Variants in ARMC9 observed in about 807,000 individuals in gnomAD.
ARMC9 encodes the protein lisH domain-containing protein ARMC9.
In ARMC9, 94 loss-of-function variants were observed where a neutral mutation model predicts 107.0. The ratio of observed to expected loss-of-function variants is 0.88; its 90% CI spans 0.74 to 1.04. The LOEUF (loss-of-function observed/expected upper bound fraction) is 1.04, where lower values mean the gene tolerates loss of function less well. ARMC9 is among the 50% of genes least tolerant of loss of function. ARMC9 has a pLI of 0.00. For synonymous variants in ARMC9, 380 were observed against 396.9 expected, an observed-to-expected ratio of 0.96 and a Z score of 0.51; for missense variants, 942 against 1,030.1, an observed-to-expected ratio of 0.91 and a Z score of 1.17.
At chr2:231,206,861 G>A (rs1323315729) in intron 2 of ARMC9, among the ~76,000 whole-genome samples, 4 of 152,212 alleles carry the variant, frequency 2.6e-5, no homozygotes, top group Non-Finnish European at 5.9e-5. Flanking sequence ...AATGGTTCGC[G>A]CTTGCTGCTG....
chr2:231,230,353 C>CA (rs1242592062), intron 7 of ARMC9, among the ~76,000 whole-genome samples: 70 of 136,794 alleles, frequency 5.1e-4, no homozygotes, highest in East Asian at 1.4e-3. Context: ...GACTCCGTCT[C>CA]AAAAAAAAAA....
intron 5 of ARMC9, among the ~76,000 whole-genome samples, chr2:231,221,578 C>T (rs187944617): frequency 1.3e-5 from 2 of 151,684 alleles, no homozygotes; most frequent in East Asian, 1.9e-4. Flanking sequence ...CCTGTAATCC[C>T]AGCACTTTGG....
chr2:231,268,779 C>T (rs1240810520), intron 12 of ARMC9, among the ~76,000 whole-genome samples: 1 of 152,096 alleles, frequency 6.6e-6, no homozygotes, highest in East Asian at 1.9e-4. Flanking sequence ...AATCCAAAGC[C>T]AGCTGGGCAC....
Position 231,249,599 on chromosome 2 carries a change from C to G in ARMC9, c.880-6987C>G, listed in dbSNP as rs181369990. Among the ~76,000 whole-genome samples, 318 of 152,208 alleles carry G rather than the reference C, an allele frequency of 2.1e-3. 4 individuals carry two copies. The highest frequency in any genetic ancestry group is 7.3e-3 in the African/African-American group (305 of 41,546). On this transcript the variant is annotated intron_variant, in intron 9 of 24. Coordinates refer to ENST00000611582, the MANE Select transcript of ARMC9 (RefSeq NM_001352754.2). Reference sequence around the variant, plus strand: ...GAAGGGATGGATGGGGGCAGAAATGCAGCTGTTTCAGCTTGGCTTAGGTAG... The same window carrying G: ...GAAGGGATGGATGGGGGCAGAAATGGAGCTGTTTCAGCTTGGCTTAGGTAG...
chr2:231,281,326 G>A (rs2040201689), intron 16 of ARMC9, among the ~76,000 whole-genome samples: 1 of 152,116 alleles, frequency 6.6e-6, no homozygotes, highest in Non-Finnish European at 1.5e-5. Context: ...CTGGCAAGGT[G>A]AACTGCCAGA....
At chr2:231,311,544 C>CG (rs2042348630) in intron 19 of ARMC9, among the ~76,000 whole-genome samples, 1 of 151,656 alleles carries the variant, frequency 6.6e-6, no homozygotes, top group African/African-American at 2.4e-5. Context: ...CCAAGGCAGG[C>CG]GGATCACTTG....
At chr2:231,316,192 G>A (rs1331327180) in intron 19 of ARMC9, among the ~76,000 whole-genome samples, 3 of 142,056 alleles carry the variant, frequency 2.1e-5, no homozygotes, top group Non-Finnish European at 3.1e-5. Flanking sequence ...GTGTGTGTGT[G>A]TATCTCCACC....
chr2:231,291,212 CCTCTT>C, intron 17 of ARMC9, 136 bp from the exon 18 acceptor site: 1 of 631,838 alleles, frequency 1.6e-6, no homozygotes, highest in Non-Finnish European at 2.8e-6. Context: ...ATATCTGTCT[CCTCTT>C]CTCTGTCCCC....
intron 3 of ARMC9, 97 bp downstream of exon 3, chr2:231,208,349 G>A (rs1388788622): frequency 1.0e-6 from 1 of 970,534 alleles, no homozygotes; most frequent in Non-Finnish European, 1.6e-6. Flanking sequence ...TAGTTTTTGA[G>A]CACTTGCTCA....
rs139006665 is a variant in ARMC9 at position 231,218,541 on chromosome 2, G to A, written c.504+1748G>A. ...TGGCAGTAGAGCTGGCAGAATCGGG[G>A]ATGGGGCCTAGCAGAGGCTGCAGCT... On this transcript the variant is annotated intron_variant, in intron 5 of 24. Transcript: ENST00000611582. Among the ~76,000 whole-genome samples the A allele has an allele frequency of 5.9e-3, 903 of 152,268 alleles. 9 individuals are homozygous for A. The highest frequency in any genetic ancestry group is 0.021 in the African/African-American group (873 of 41,552).
intron 18 of ARMC9, 134 bp from the exon 19 acceptor site, chr2:231,296,064 G>A: frequency 3.6e-6 from 2 of 559,088 alleles, no homozygotes; most frequent in South Asian, 3.1e-5. Context: ...TGATTAGGAT[G>A]GTTAGGAGCA....
intron 18 of ARMC9, among the ~76,000 whole-genome samples, chr2:231,291,740 A>G (rs138338068): frequency 0.018 from 2,609 of 148,592 alleles, 73 homozygotes; most frequent in African/African-American, 0.062. Context: ...GCTTGAACCC[A>G]GGAGGCAGAA....
intron 19 of ARMC9, among the ~76,000 whole-genome samples, chr2:231,326,425 C>G (rs75461580): frequency 0.032 from 4,875 of 152,324 alleles, 260 homozygotes; most frequent in African/African-American, 0.11. Context: ...CCTCAGTAGC[C>G]CCTTCCCTGA....
At chr2:231,371,252 A>G (rs556403719) in intron 24 of ARMC9, among the ~76,000 whole-genome samples, 2 of 152,352 alleles carry the variant, frequency 1.3e-5, no homozygotes, top group Admixed American at 6.5e-5. Flanking sequence ...TCAGCCAGCC[A>G]TGGGCGTTGT....
intron 19 of ARMC9, among the ~76,000 whole-genome samples, chr2:231,301,482 A>C (rs924158890): frequency 6.6e-6 from 1 of 152,120 alleles, no homozygotes; most frequent in African/African-American, 2.4e-5. Flanking sequence ...TCCACTAGCA[A>C]TAGGTGCTGT....
At chr2:231,325,213 A>G (rs1174815905) in intron 19 of ARMC9, among the ~76,000 whole-genome samples, 2 of 152,240 alleles carry the variant, frequency 1.3e-5, no homozygotes, top group African/African-American at 4.8e-5. Flanking sequence ...GAGACAGAGC[A>G]AGAGACCCTG....
intron 7 of ARMC9, among the ~76,000 whole-genome samples, chr2:231,231,417 G>A (rs1003793841): frequency 2.6e-5 from 4 of 152,018 alleles, no homozygotes; most frequent in African/African-American, 9.7e-5. Context: ...TTGAGACAGC[G>A]CTGTTGCCCA....
chr2:231,334,829 C>G (rs1183995511), intron 20 of ARMC9, among the ~76,000 whole-genome samples: 1 of 152,074 alleles, frequency 6.6e-6, no homozygotes, highest in Non-Finnish European at 1.5e-5. Flanking sequence ...TTGTCATGCC[C>G]TTGCTCTTGT....
intron 22 of ARMC9, among the ~76,000 whole-genome samples, chr2:231,356,159 T>C (rs2045337452): frequency 6.6e-6 from 1 of 152,228 alleles, no homozygotes; most frequent in Admixed American, 6.5e-5. Flanking sequence ...TTGTCCCGTC[T>C]GGGAGCTCCT....
Sources: gnomAD v4.1 joint callset for allele counts (sites outside exome capture counted in the v4.1 genomes callset) on GRCh38, gnomAD v4.1.1 for gene constraint, MANE v1.5 for transcripts, NCBI Gene and HGNC (gene_info 2026-07-23, HGNC 2026-07-21) for gene names.